Variants in EPM2A observed in about 807,000 individuals in gnomAD.
EPM2A encodes laforin.
In EPM2A, 21 loss-of-function variants were observed where a neutral mutation model predicts 26.5. That is an observed-to-expected ratio of 0.79 (90% CI 0.56 to 1.14). EPM2A has a LOEUF of 1.14. EPM2A is among the 50% of genes most tolerant of loss of function. The pLI, the probability that EPM2A is intolerant of heterozygous loss-of-function variation, is 0.00. For synonymous variants in EPM2A, 217 were observed against 177.6 expected, an observed-to-expected ratio of 1.22 and a Z score of -1.76; for missense variants, 458 against 440.8, an observed-to-expected ratio of 1.04 and a Z score of -0.35.
chr6:145,553,473 T>C (rs1780682120), intron 2 of EPM2A, among the ~76,000 whole-genome samples: 1 of 152,060 alleles, frequency 6.6e-6, no homozygotes. Flanking sequence ...GGGCAGGGGA[T>C]GGAAGGACAT....
At chr6:145,714,175 G>A (rs111674435) in intron 1 of EPM2A, among the ~76,000 whole-genome samples, 6 of 152,288 alleles carry the variant, frequency 3.9e-5, no homozygotes, top group African/African-American at 1.4e-4. Flanking sequence ...TTTTGTGAAT[G>A]TAGAGTTGTC....
In EPM2A at chr6:145,427,461, G is replaced by C. The variant is rs935490568; in HGVS notation, c.556-43364C>G. Among the ~76,000 whole-genome samples the C allele has an allele frequency of 2.0e-5, 3 of 152,134 alleles. No homozygotes were observed. The East Asian group carries it at 5.8e-4, about 29-fold the overall frequency. On this transcript the variant is annotated intron_variant, in intron 4 of 4. Transcript: ENST00000638717. ...CTGGGCTAGAGCAGAGTGAGCCTGA[G>C]GGATGTGGTAAGAGATAAGATTATC...
chr6:145,696,733 A>G (rs1010109393), intron 1 of EPM2A, among the ~76,000 whole-genome samples: 5 of 150,088 alleles, frequency 3.3e-5, no homozygotes, highest in Admixed American at 6.6e-5. Flanking sequence ...ATATGATAGT[A>G]TGATCCTAGT....
chr6:145,732,659 C>A (rs1194102812), intron 1 of EPM2A, among the ~76,000 whole-genome samples: 1 of 152,058 alleles, frequency 6.6e-6, no homozygotes, highest in East Asian at 1.9e-4. Context: ...AAAACAAATT[C>A]TAGTACCATT....
intron 2 of EPM2A, among the ~76,000 whole-genome samples, chr6:145,575,025 T>G (rs1459793303): frequency 6.6e-6 from 1 of 152,134 alleles, no homozygotes; most frequent in Non-Finnish European, 1.5e-5. Context: ...GACTTTAGTC[T>G]AGTTATAGGT....
chr6:145,433,616 A>G (rs984798068), intron 4 of EPM2A, among the ~76,000 whole-genome samples: 1 of 152,200 alleles, frequency 6.6e-6, no homozygotes, highest in African/African-American at 2.4e-5. Context: ...CTCATAATAC[A>G]TTACAGTAAG....
intron 4 of EPM2A, among the ~76,000 whole-genome samples, chr6:145,470,384 A>G (rs1779458397): frequency 6.6e-6 from 1 of 152,174 alleles, no homozygotes; most frequent in African/African-American, 2.4e-5. Context: ...AAATGAATTC[A>G]TGCTGTATGT....
At chr6:145,451,632 C>T (rs534321885) in intron 4 of EPM2A, among the ~76,000 whole-genome samples, 1 of 152,204 alleles carries the variant, frequency 6.6e-6, no homozygotes, top group Admixed American at 6.5e-5. Context: ...TAAAGCCGGA[C>T]ATTAAATAGA....
intron 2 of EPM2A, among the ~76,000 whole-genome samples, chr6:145,563,001 G>A (rs1156665791): frequency 6.6e-6 from 1 of 151,586 alleles, no homozygotes; most frequent in Non-Finnish European, 1.5e-5. Flanking sequence ...CAGGCATTGA[G>A]AGGGTTGAAA....
chr6:145,733,895 T>C (rs1483960865), intron 1 of EPM2A, among the ~76,000 whole-genome samples: 1 of 152,188 alleles, frequency 6.6e-6, no homozygotes, highest in African/African-American at 2.4e-5. Context: ...GAGACATTCA[T>C]TTCATTGACT....
intron 2 of EPM2A, chr6:145,635,931 G>C (rs1776646550): frequency 1.0e-5 from 2 of 198,962 alleles, no homozygotes; most frequent in Non-Finnish European, 2.1e-5. Context: ...ATTTCAAATA[G>C]TATGAGACTT....
chr6:145,572,729 C>T (rs567314550), intron 2 of EPM2A, among the ~76,000 whole-genome samples: 1 of 152,174 alleles, frequency 6.6e-6, no homozygotes, highest in South Asian at 2.1e-4. Context: ...CCACTGACAC[C>T]TCAAGCACCA....
intron 2 of EPM2A, among the ~76,000 whole-genome samples, chr6:145,662,739 AGGATAAT>A (rs1261479738): frequency 1.3e-5 from 2 of 152,178 alleles, no homozygotes; most frequent in Admixed American, 6.5e-5. Context: ...ATATCAGTTG[AGGATAAT>A]GGAAAATGAG....
chr6:145,463,578 TG>T (rs1779352595), intron 4 of EPM2A, among the ~76,000 whole-genome samples: 1 of 152,124 alleles, frequency 6.6e-6, no homozygotes. Context: ...CAATATGTGC[TG>T]GAGATCTTTC....
chr6:145,690,744 C>T (rs960206426), intron 1 of EPM2A, among the ~76,000 whole-genome samples: 14 of 151,470 alleles, frequency 9.2e-5, no homozygotes, highest in Non-Finnish European at 1.6e-4. Flanking sequence ...CCCATTAGAA[C>T]ACATTTCAAA....
At chr6:145,438,935 CT>C (rs1204859974) in intron 4 of EPM2A, among the ~76,000 whole-genome samples, 10 of 151,814 alleles carry the variant, frequency 6.6e-5, no homozygotes, top group African/African-American at 1.9e-4. Context: ...TTCTTTTCTT[CT>C]TTTTCTTCTA....
At chr6:145,578,355 A>G (rs1457022923) in intron 2 of EPM2A, among the ~76,000 whole-genome samples, 1 of 152,188 alleles carries the variant, frequency 6.6e-6, no homozygotes, top group East Asian at 1.9e-4. Flanking sequence ...ATGAAAAAGG[A>G]GACATTACAA....
At chr6:145,525,184 G>T (rs1182872016) in intron 2 of EPM2A, among the ~76,000 whole-genome samples, 1 of 151,840 alleles carries the variant, frequency 6.6e-6, no homozygotes, top group Non-Finnish European at 1.5e-5. Flanking sequence ...TTACAGTACA[G>T]TTTGAAGCTG....
At chr6:145,684,046 TAAGA>T (rs1416230631) in intron 2 of EPM2A, among the ~76,000 whole-genome samples, 2 of 152,038 alleles carry the variant, frequency 1.3e-5, no homozygotes, top group African/African-American at 4.8e-5. Flanking sequence ...ATTAGTATTC[TAAGA>T]AAGATTCATG....
Sources: gnomAD v4.1 joint callset for allele counts (sites outside exome capture counted in the v4.1 genomes callset) on GRCh38, gnomAD v4.1.1 for gene constraint, MANE v1.5 for transcripts, NCBI Gene and HGNC (gene_info 2026-07-23, HGNC 2026-07-21) for gene names.